SRGAP3: variants seen among roughly 807,000 people sequenced by gnomAD.
The protein encoded by SRGAP3 is SLIT-ROBO Rho GTPase-activating protein 3.
In SRGAP3, 39 loss-of-function variants were observed where a neutral mutation model predicts 121.1. That is an observed-to-expected ratio of 0.32 (90% confidence interval 0.25 to 0.42). The LOEUF (loss-of-function observed/expected upper bound fraction) is 0.42. Among genes scored for constraint, SRGAP3 ranks in the 10% least tolerant of loss-of-function variants. The probability of loss-of-function intolerance (pLI) is 1.00; values close to 1 mark genes in which losing one functional copy is unlikely to be tolerated. For synonymous variants in SRGAP3, 601 were observed against 570.0 expected (o/e 1.05, Z -0.77); for missense variants, 1,213 against 1,470.6 (o/e 0.82, Z 2.86).
intron 1 of SRGAP3, among the ~76,000 whole-genome samples, chr3:9,201,752 G>A (rs1952073992): frequency 6.6e-6 from 1 of 152,184 alleles, no homozygotes; most frequent in South Asian, 2.1e-4. Flanking sequence ...AAGGAGACAC[G>A]TTACAGAGAC....
intron 1 of SRGAP3, among the ~76,000 whole-genome samples, chr3:9,210,046 C>CAA (rs60653062): frequency 6.8e-6 from 1 of 147,268 alleles, no homozygotes; most frequent in Non-Finnish European, 1.5e-5. Flanking sequence ...GCTAGACACA[C>CAA]AAAAAAAAAA....
Position 8,983,163 on chromosome 3 carries a change from T to C in SRGAP3, c.*2356A>G, listed in dbSNP as rs1559827745. On this transcript the variant is annotated 3_prime_UTR_variant, in exon 22 of 22. Coordinates refer to ENST00000383836, the MANE Select transcript of SRGAP3 (RefSeq NM_014850.4). ...AGCATCCAGCATGCAAACACATGAC[T>C]TTAAGAGCCTGACGCAGCCTCTGCT... The C allele has an allele frequency of 8.8e-6, 2 of 227,046 alleles. No homozygotes were observed. Among genetic ancestry groups the C allele is most frequent in the African/African-American group, 4.5e-5 (2 of 44,900 alleles). The allele number at this position is 227,046 out of a possible 1,614,324, so 14.1% of individuals were successfully genotyped here.
At chr3:9,276,410 A>C (rs1574964917) in intron 3 of SRGAP3, among the ~76,000 whole-genome samples, 1 of 146,016 alleles carries the variant, frequency 6.8e-6, no homozygotes, top group South Asian at 2.2e-4. Context: ...TCTGATCTAC[A>C]TAGATTTTTG....
chr3:9,003,507 A>AAACAAAC (rs1559885584), intron 18 of SRGAP3, among the ~76,000 whole-genome samples: 40 of 75,082 alleles, frequency 5.3e-4, no homozygotes, highest in South Asian at 1.0e-3. Context: ...AACAAACAAA[A>AAACAAAC]AAATCACTAG....
intron 1 of SRGAP3, among the ~76,000 whole-genome samples, chr3:9,140,048 T>C (rs1359458052): frequency 1.3e-5 from 2 of 152,056 alleles, no homozygotes; most frequent in Admixed American, 1.3e-4. Flanking sequence ...TGTAGTGCAA[T>C]GGTACGGCAT....
In SRGAP3 at chr3:9,312,304, A is replaced by G. The variant is rs571889978; in HGVS notation, n.442+13706T>C. ...CAGGTAGCTGGGACTACAGGCACCC[A>G]CCACCACGCCCGGCTAATTTTTTTG... On this transcript the variant is annotated intron_variant and non_coding_transcript_variant, in intron 3 of 3. Transcript: ENST00000490889. Among the ~76,000 whole-genome samples, 6 of 152,128 alleles carry G rather than the reference A, an allele frequency of 3.9e-5. No individual in the cohort carries two copies. In the East Asian group the frequency reaches 1.2e-3, roughly 29 times the overall value.
chr3:9,053,017 T>C lies in SRGAP3; in HGVS notation c.1323+10A>G, dbSNP rs771982543. On this transcript the variant is annotated intron_variant, in intron 9 of 21. Coordinates refer to ENST00000383836, the MANE Select transcript of SRGAP3 (RefSeq NM_014850.4). ...CGACAGTGTGGTTCTGGGCCCAGGA[T>C]GCCACTTACTGTAAAATAAAACATT... 1 of 1,613,452 alleles carries C rather than the reference T, an allele frequency of 6.2e-7. No homozygotes were observed. The highest frequency in any genetic ancestry group is 1.1e-5 in the South Asian group (1 of 91,054).
intron 1 of SRGAP3, among the ~76,000 whole-genome samples, chr3:9,160,117 A>G (rs1560300400): frequency 6.6e-6 from 1 of 152,226 alleles, no homozygotes; most frequent in Non-Finnish European, 1.5e-5. Context: ...AAGTCATTTA[A>G]TTGCTCAGAG....
intron 7 of SRGAP3, among the ~76,000 whole-genome samples, chr3:9,057,541 T>C (rs1945884106): frequency 6.6e-6 from 1 of 152,126 alleles, no homozygotes; most frequent in South Asian, 2.1e-4. Context: ...GATGCCTCCT[T>C]GCCCCTCCCC....
intron 12 of SRGAP3, among the ~76,000 whole-genome samples, chr3:9,031,874 T>C (rs916705998): frequency 1.1e-4 from 17 of 152,214 alleles, no homozygotes; most frequent in Non-Finnish European, 1.2e-4. Flanking sequence ...TAAGTAATGT[T>C]AAGAGTGCTT....
chr3:9,302,207 G>T (rs1207623819), intron 3 of SRGAP3, among the ~76,000 whole-genome samples: 1 of 152,168 alleles, frequency 6.6e-6, no homozygotes, highest in Non-Finnish European at 1.5e-5. Flanking sequence ...GAGGCCAAGG[G>T]TTTCCGCGAA....
chr3:8,982,988 T>A lies in SRGAP3; in HGVS notation c.*2531A>T, dbSNP rs139326372. ...CACGGTCTGATTGGTGTTATGTATATCAGGCAACAGATTTTTCTACTCTGA... is the reference window on the plus strand; with the variant it reads ...CACGGTCTGATTGGTGTTATGTATAACAGGCAACAGATTTTTCTACTCTGA... On this transcript the variant is annotated 3_prime_UTR_variant, in exon 22 of 22. Transcript: ENST00000383836. The A allele has an allele frequency of 6.8e-3, 1,551 of 229,378 alleles. 19 individuals are homozygous for A. Among genetic ancestry groups the A allele is most frequent in the African/African-American group, 0.031 (1,420 of 45,202 alleles). 14.2% of individuals were successfully genotyped at this position (229,378 alleles called of 1,614,324 possible). A position where few individuals can be genotyped will look rare whatever the true frequency, so the allele number is the denominator to read the frequency against.
intron 3 of SRGAP3, among the ~76,000 whole-genome samples, chr3:9,268,112 C>A (rs1206306869): frequency 6.6e-6 from 1 of 152,162 alleles, no homozygotes; most frequent in Non-Finnish European, 1.5e-5. Context: ...GTGAGTCAGC[C>A]TGGAAGCAGA....
chr3:9,229,249 A>G (rs1953113013), intron 1 of SRGAP3, among the ~76,000 whole-genome samples: 1 of 152,178 alleles, frequency 6.6e-6, no homozygotes, highest in South Asian at 2.1e-4. Flanking sequence ...TCAAAGGTTC[A>G]GTCTGGGTGG....
In SRGAP3 at chr3:9,281,055, T is replaced by C. The variant is rs191184325; in HGVS notation, n.442+44955A>G. On this transcript the variant is annotated intron_variant and non_coding_transcript_variant, in intron 3 of 3. Coordinates refer to the SRGAP3 transcript ENST00000490889. ...CTCTAGGATTCAGTGGCAAAATAAA[T>C]AAATTACTGGATTGCTATCTCGCCT... 2.8e-3 allele frequency among the ~76,000 whole-genome samples: 428 copies of C among 152,246 alleles called. 4 individuals are homozygous for C. Among genetic ancestry groups the C allele is most frequent in the Admixed American group, 0.016 (252 of 15,284 alleles).
intron 2 of SRGAP3, among the ~76,000 whole-genome samples, chr3:9,105,662 C>T (rs773835508): frequency 1.3e-5 from 2 of 152,112 alleles, no homozygotes; most frequent in Non-Finnish European, 2.9e-5. Flanking sequence ...CCAGGGGATT[C>T]GGATACTCAC....
chr3:9,080,649 C>T (rs995474957), intron 3 of SRGAP3, among the ~76,000 whole-genome samples: 8 of 152,326 alleles, frequency 5.3e-5, no homozygotes, highest in Middle Eastern at 6.8e-3. Flanking sequence ...CCAGGCCACA[C>T]AGCAGGAGGT....
intron 1 of SRGAP3, among the ~76,000 whole-genome samples, chr3:9,126,645 C>A (rs113734578): frequency 9.3e-5 from 12 of 129,310 alleles, no homozygotes; most frequent in African/African-American, 2.4e-4. Context: ...AACTAACTAA[C>A]TAAATAAATA....
intron 4 of SRGAP3, among the ~76,000 whole-genome samples, chr3:9,079,724 C>T (rs1319601198): frequency 1.3e-5 from 2 of 152,180 alleles, no homozygotes; most frequent in African/African-American, 2.4e-5. Context: ...ACTCACACTC[C>T]CCCGGCCTTG....
Sources: gnomAD v4.1 joint callset for allele counts (sites outside exome capture counted in the v4.1 genomes callset) on GRCh38, gnomAD v4.1.1 for gene constraint, MANE v1.5 for transcripts, NCBI Gene and HGNC (gene_info 2026-07-23, HGNC 2026-07-21) for gene names.